The following ZBTB7A variants were observed in gnomAD, a reference collection of about 807,000 sequenced individuals.
The protein encoded by ZBTB7A is zinc finger and BTB domain-containing protein 7A.
A neutral mutation model predicts 26.7 loss-of-function variants in ZBTB7A; 7 were observed. That is an observed-to-expected ratio of 0.26 (90% CI 0.15 to 0.49). The LOEUF (loss-of-function observed/expected upper bound fraction) is 0.49, where lower values mean the gene tolerates loss of function less well. Among genes scored for constraint, ZBTB7A ranks in the 20% least tolerant of loss-of-function variants. The pLI, the probability that ZBTB7A is intolerant of heterozygous loss-of-function variation, is 0.98. For synonymous variants in ZBTB7A, 452 were observed against 441.0 expected (o/e 1.02, Z -0.31); for missense variants, 617 against 919.5 (o/e 0.67, Z 4.25).
intron 1 of ZBTB7A, among the ~76,000 whole-genome samples, chr19:4,060,423 C>A (rs1053498959): frequency 6.6e-6 from 1 of 152,262 alleles, no homozygotes; most frequent in Admixed American, 6.5e-5. Flanking sequence ...ATTTCGGCCC[C>A]CTCTGTGCTC....
Position 4,043,740 on chromosome 19 carries a change from T to G in ZBTB7A, c.*4012A>C, listed in dbSNP as rs1197891308. Among the ~76,000 whole-genome samples, 3 of 19,552 alleles carry G rather than the reference T, an allele frequency of 1.5e-4. No homozygotes were observed. The highest frequency in any genetic ancestry group is 3.7e-4 in the Non-Finnish European group (3 of 8,208). The allele number at this position is 19,552 out of a possible 152,430, so 12.8% of individuals were successfully genotyped here. A position where few individuals can be genotyped will look rare whatever the true frequency, so the allele number is the denominator to read the frequency against. Reference sequence around the variant, plus strand: ...GCCCGGCCCCCCCCCCCCCCCCCCGTAAATCTATGTATTTAATGCGAGCTA... The same window carrying G: ...GCCCGGCCCCCCCCCCCCCCCCCCGGAAATCTATGTATTTAATGCGAGCTA... On this transcript the variant is annotated 3_prime_UTR_variant, in exon 3 of 3. Coordinates refer to ENST00000322357, the MANE Select transcript of ZBTB7A (RefSeq NM_015898.4).
Position 4,047,509 on chromosome 19 carries a change from A to G in ZBTB7A, c.*243T>C. ...GCGATGGGGTGGTGGGGGGAAGGGGAGCCAGGGAGGGCCGGGGCCCCTGCG... is the reference window on the plus strand; with the variant it reads ...GCGATGGGGTGGTGGGGGGAAGGGGGGCCAGGGAGGGCCGGGGCCCCTGCG... On this transcript the variant is annotated 3_prime_UTR_variant, in exon 3 of 3. Transcript: ENST00000322357. 1 of 239,912 alleles carries G rather than the reference A, an allele frequency of 4.2e-6. No individual in the cohort carries two copies. The highest frequency in any genetic ancestry group is 7.7e-6 in the Non-Finnish European group (1 of 129,446). 14.9% of individuals were successfully genotyped at this position (239,912 alleles called of 1,614,324 possible). A position where few individuals can be genotyped will look rare whatever the true frequency, so the allele number is the denominator to read the frequency against.
chr19:4,064,990 G>A (rs2040677087), intron 1 of ZBTB7A, among the ~76,000 whole-genome samples: 1 of 151,812 alleles, frequency 6.6e-6, no homozygotes, highest in African/African-American at 2.4e-5. Flanking sequence ...CCGGTCCCTG[G>A]GGGGGCACCC....
chr19:4,054,171 C>T lies in ZBTB7A; in HGVS notation c.1062G>A (p.Lys354=), dbSNP rs2040541073. The stretch of plus-strand genomic sequence containing the variant: ...CGCCGTCGTGGGCGCCGCTGAAGTA[C>T]TTCAGGTAGTAGTCCATGACGCCCT... ...DDKGVMDYYL[K]YFSGAHDGDV... Residue 354 remains lysine, a synonymous_variant, in exon 2 of 3, where the codon AAG becomes AAA. Transcript: ENST00000322357. 4 of 1,600,510 alleles carry T rather than the reference C, an allele frequency of 2.5e-6. No individual in the cohort carries two copies. The highest frequency in any genetic ancestry group is 3.4e-6 in the Non-Finnish European group (4 of 1,179,240).
rs561358847 is a variant in ZBTB7A at position 4,054,232 on chromosome 19, G to A, written c.1001C>T (p.Ala334Val). Residue 334 changes from alanine to valine, a missense_variant, in exon 2 of 3, where the codon GCG becomes GTG. Transcript: ENST00000322357. ...CCGCGACTCCTCGTCGCTGTCCCCC[G>A]CCGCGGCCCCCGCCCGGCCCACCGA... Reference protein sequence around the residue: ...MSSVGRAGAAAGDSDEESRAD... With the variant: ...MSSVGRAGAAVGDSDEESRAD... The A allele has an allele frequency of 1.9e-6, 3 of 1,583,360 alleles. No homozygotes were observed. Among genetic ancestry groups the A allele is most frequent in the Admixed American group, 1.7e-5 (1 of 57,926 alleles).
In ZBTB7A at chr19:4,044,683, T is replaced by TTC. The variant is rs1555691441; in HGVS notation, c.*3068_*3069insGA. The TTC allele has an allele frequency of 8.0e-6, 1 of 124,730 alleles. No individual in the cohort carries two copies. Among genetic ancestry groups the TTC allele is most frequent in the Non-Finnish European group, 1.7e-5 (1 of 59,230 alleles). The allele number at this position is 124,730 out of a possible 1,614,324, so 7.7% of individuals were successfully genotyped here. On this transcript the variant is annotated 3_prime_UTR_variant, in exon 3 of 3. Coordinates refer to ENST00000322357, the MANE Select transcript of ZBTB7A (RefSeq NM_015898.4). The stretch of plus-strand genomic sequence containing the variant: ...TCGCATTGTTTTTCTTTTTTTTTTT[T>TTC]CTCTTTTTTTTTTTGTACCAGGCAG...
intron 2 of ZBTB7A, among the ~76,000 whole-genome samples, chr19:4,051,829 C>T (rs2040506999): frequency 6.6e-6 from 1 of 152,260 alleles, no homozygotes; most frequent in Admixed American, 6.5e-5. Context: ...TTGCCTGGAG[C>T]TGCACAGCAG....
intron 2 of ZBTB7A, among the ~76,000 whole-genome samples, chr19:4,053,304 C>T (rs1379481940): frequency 6.6e-6 from 1 of 152,228 alleles, no homozygotes; most frequent in Non-Finnish European, 1.5e-5. Context: ...CTGTTCTTAA[C>T]AGCCACGTGG....
At chr19:4,064,273 G>A (rs1054536344) in intron 1 of ZBTB7A, among the ~76,000 whole-genome samples, 1 of 152,212 alleles carries the variant, frequency 6.6e-6, no homozygotes, top group Non-Finnish European at 1.5e-5. Flanking sequence ...TCAGTGTCCC[G>A]GTTGGCTCTT....
Position 4,052,884 on chromosome 19 carries a change from C to T in ZBTB7A, c.1262+1087G>A, listed in dbSNP as rs2040518655. Among the ~76,000 whole-genome samples, 1 of 152,222 alleles carries T rather than the reference C, an allele frequency of 6.6e-6. No homozygotes were observed. The highest frequency in any genetic ancestry group is 1.5e-5 in the Non-Finnish European group (1 of 68,042). On this transcript the variant is annotated intron_variant, in intron 2 of 2. Transcript: ENST00000322357. The surrounding 1 kb of genome is among the most constrained non-coding windows in gnomAD (Gnocchi z 4.9). ...CCTCTGCACTGGCTGTTCCCTCTGC[C>T]TGGAACGCCCTTTCCCACAGCTGCT...
intron 1 of ZBTB7A, among the ~76,000 whole-genome samples, chr19:4,064,989 G>T (rs2040677012): frequency 6.6e-6 from 1 of 151,746 alleles, no homozygotes; most frequent in Non-Finnish European, 1.5e-5. Context: ...CCCGGTCCCT[G>T]GGGGGGCACC....
chr19:4,060,524 C>T (rs2040627972), intron 1 of ZBTB7A, among the ~76,000 whole-genome samples: 1 of 152,232 alleles, frequency 6.6e-6, no homozygotes, highest in African/African-American at 2.4e-5. Context: ...ACACAGCAGC[C>T]CTCTGATCTG....
chr19:4,061,268 C>G (rs138863526), intron 1 of ZBTB7A, among the ~76,000 whole-genome samples: 1 of 152,180 alleles, frequency 6.6e-6, no homozygotes, highest in Non-Finnish European at 1.5e-5. Context: ...GAGGAGGAAG[C>G]TGGAAGGGGA....
In ZBTB7A at chr19:4,044,272, G is replaced by C. The variant is rs1242084949; in HGVS notation, c.*3480C>G. On this transcript the variant is annotated 3_prime_UTR_variant, in exon 3 of 3. Transcript: ENST00000322357. ...GGGGGGGCAGACTTTGGTATCGCCCGCTCGAGCCTGCCTGGCTGCAGGTCC... is the reference window on the plus strand; with the variant it reads ...GGGGGGGCAGACTTTGGTATCGCCCCCTCGAGCCTGCCTGGCTGCAGGTCC... 6.6e-6 allele frequency: 1 copy of C among 152,108 alleles called. No homozygotes were observed. The highest frequency in any genetic ancestry group is 1.5e-5 in the Non-Finnish European group (1 of 68,018). 9.4% of individuals were successfully genotyped at this position (152,108 alleles called of 1,614,324 possible). A position where few individuals can be genotyped will look rare whatever the true frequency, so the allele number is the denominator to read the frequency against.
chr19:4,052,293 G>C lies in ZBTB7A; in HGVS notation c.1262+1678C>G, dbSNP rs182451374. 2.5e-3 allele frequency among the ~76,000 whole-genome samples: 376 copies of C among 152,300 alleles called. 2 individuals are homozygous for C. The highest frequency in any genetic ancestry group is 8.6e-3 in the African/African-American group (359 of 41,558). On this transcript the variant is annotated intron_variant, in intron 2 of 2. Coordinates refer to ENST00000322357, the MANE Select transcript of ZBTB7A (RefSeq NM_015898.4). The surrounding 1 kb of genome is among the most constrained non-coding windows in gnomAD (Gnocchi z 4.9). ...CCAGTTCTCTGCACCCCACCAAGCT[G>C]CTCTTCCTGAGCTCAGAGACGAACC...
At chr19:4,060,443 C>T (rs1009393473) in intron 1 of ZBTB7A, among the ~76,000 whole-genome samples, 1 of 152,250 alleles carries the variant, frequency 6.6e-6, no homozygotes, top group African/African-American at 2.4e-5. Flanking sequence ...CCCAAACTAA[C>T]TGGGCACCTT....
rs2040449943 is a variant in ZBTB7A, at chr19:4,048,272, G to A, written c.1263-28C>T. The A allele has an allele frequency of 6.5e-7, 1 of 1,548,398 alleles. No individual in the cohort carries two copies. Among genetic ancestry groups the A allele is most frequent in the African/African-American group, 1.4e-5 (1 of 71,344 alleles). ...GTGGACGGGGCACGGGGCGGGCACG[G>A]TCAGTGGGGCCGGGGACCCCCGATC... On this transcript the variant is annotated intron_variant, in intron 2 of 2. Transcript: ENST00000322357. The surrounding 1 kb of genome is among the most constrained non-coding windows in gnomAD (Gnocchi z 6.7).
chr19:4,064,129 C>T (rs1022609173), intron 1 of ZBTB7A, among the ~76,000 whole-genome samples: 1 of 152,274 alleles, frequency 6.6e-6, no homozygotes, highest in Non-Finnish European at 1.5e-5. Flanking sequence ...AAGGACCCAT[C>T]CACTGCCTGC....
chr19:4,050,439 T>C (rs2040490398), intron 2 of ZBTB7A, among the ~76,000 whole-genome samples: 1 of 152,026 alleles, frequency 6.6e-6, no homozygotes, highest in African/African-American at 2.4e-5. Context: ...AAGGCAGGGG[T>C]TGGGTGTGAC....
Sources: gnomAD v4.1 joint callset for allele counts (sites outside exome capture counted in the v4.1 genomes callset) on GRCh38, gnomAD v4.1.1 for gene constraint, Gnocchi (gnomAD v3.1) non-coding constraint, MANE v1.5 for transcripts, NCBI Gene and HGNC (gene_info 2026-07-23, HGNC 2026-07-21) for gene names.